Variants in TJP1 observed in about 807,000 individuals in gnomAD.
TJP1 encodes tight junction protein ZO-1.
A neutral mutation model predicts 194.2 loss-of-function variants in TJP1; 43 were observed. The observed-to-expected ratio is 0.22, with a 90% CI of 0.17 to 0.29. The LOEUF (loss-of-function observed/expected upper bound fraction) is 0.29, where lower values mean the gene tolerates loss of function less well. Among genes scored for constraint, TJP1 ranks in the 10% least tolerant of loss-of-function variants. The pLI is 1.00. For missense variants in TJP1, 1,971 were observed against 2,185.7 expected, an observed-to-expected ratio of 0.90 and a Z score of 1.96; for synonymous variants, 801 against 779.0, an observed-to-expected ratio of 1.03 and a Z score of -0.47.
At chr15:29,740,874 C>T (rs1183040218) in intron 10 of TJP1, 1 of 156,316 alleles carries the variant, frequency 6.4e-6, no homozygotes, top group Non-Finnish European at 1.4e-5. Flanking sequence ...CTAATTGTCA[C>T]AACTAGGGGA....
At position 29,901,743 on chromosome 15, in the gene TJP1, C is replaced by T. The variant is rs564416562; in HGVS notation, c.306+54489G>A. 2.0e-5 allele frequency among the ~76,000 whole-genome samples: 3 copies of T among 151,772 alleles called. No homozygotes were observed. In the East Asian group the frequency reaches 5.8e-4, roughly 29 times the overall value. On this transcript the variant is annotated intron_variant, in intron 2 of 28. Coordinates refer to the TJP1 transcript ENST00000356107. ...GGCTGAGGCAGGAGAATCGCTTGAACCTGGGAGGTGAAGGATGCAGTGAGC... is the reference window on the plus strand; with the variant it reads ...GGCTGAGGCAGGAGAATCGCTTGAATCTGGGAGGTGAAGGATGCAGTGAGC...
chr15:29,918,356 C>T (rs184559064), intron 2 of TJP1, among the ~76,000 whole-genome samples: 150 of 152,206 alleles, frequency 9.9e-4, no homozygotes, highest in African/African-American at 3.5e-3. Flanking sequence ...GAACAGATAA[C>T]TAAGGATCAG....
At position 29,741,448 on chromosome 15, in the gene TJP1, A is replaced by G; in HGVS notation, c.1151-12T>C. On this transcript the variant is annotated splice_polypyrimidine_tract_variant and intron_variant, in intron 9 of 27. Transcript: ENST00000614355. ...CACAGGCTTTGGTTCTAAGAAAAAA[A>G]AAATTGAGTAGGACTCACTTTAGAA... 6.3e-7 allele frequency: 1 copy of G among 1,583,622 alleles called. No homozygotes were observed. The highest frequency in any genetic ancestry group is 8.6e-7 in the Non-Finnish European group (1 of 1,156,450).
chr15:29,933,879 C>A (rs1201358649), intron 2 of TJP1, among the ~76,000 whole-genome samples: 10 of 152,178 alleles, frequency 6.6e-5, no homozygotes, highest in African/African-American at 2.4e-4. Context: ...ACCGGGGTCA[C>A]AACAGACATA....
intron 2 of TJP1, among the ~76,000 whole-genome samples, chr15:29,774,814 T>C (rs2046915550): frequency 6.6e-6 from 1 of 151,850 alleles, no homozygotes; most frequent in African/African-American, 2.4e-5. Flanking sequence ...ACAGGGAAAT[T>C]TCTGAGTAAC....
chr15:29,817,450 A>T (rs2050004311), intron 1 of TJP1, among the ~76,000 whole-genome samples: 1 of 152,190 alleles, frequency 6.6e-6, no homozygotes. Context: ...TAGAACCAGA[A>T]ATACCATTTG....
At chr15:29,956,235 G>A (rs1439756819) in exon 2 of TJP1, 1 of 1,286,100 alleles carries the variant, frequency 7.8e-7, no homozygotes, top group Non-Finnish European at 1.0e-6. Context: ...CACTTACAGT[G>A]AGCTCACAGA....
intron 2 of TJP1, among the ~76,000 whole-genome samples, chr15:29,866,250 C>T (rs988442936): frequency 6.6e-6 from 1 of 152,190 alleles, no homozygotes; most frequent in Non-Finnish European, 1.5e-5. Context: ...CATTCTTGTT[C>T]CTTCTGGCAA....
chr15:29,866,426 T>C (rs2052304400), intron 2 of TJP1, among the ~76,000 whole-genome samples: 2 of 152,250 alleles, frequency 1.3e-5, no homozygotes, highest in Non-Finnish European at 2.9e-5. Context: ...ATCAGTCTGC[T>C]TGAATACATC....
rs760473949 is a variant in TJP1 at position 29,719,854 on chromosome 15, T to C, written c.2926A>G (p.Thr976Ala). ...SYSPQADSLR[T>A]PSTEAAHIML... ...ATGTGAGCTGCCTCAGTACTTGGTG[T>C]TCTTAAAGAATCAGCTTGTGGTGAG... The change falls in exon 20 of 28, where the codon ACA becomes GCA. Residue 976 changes from threonine to alanine, a missense_variant. By Grantham distance (58) the Thr-to-Ala change is moderately conservative. Transcript: ENST00000614355. 1 of 1,614,148 alleles carries C rather than the reference T, an allele frequency of 6.2e-7. No homozygotes were observed. The highest frequency in any genetic ancestry group is 8.5e-7 in the Non-Finnish European group (1 of 1,180,020).
intron 2 of TJP1, among the ~76,000 whole-genome samples, chr15:29,837,522 C>G (rs2051074963): frequency 6.6e-6 from 1 of 152,110 alleles, no homozygotes; most frequent in Non-Finnish European, 1.5e-5. Context: ...GGCGCCCTTG[C>G]ACTCCAGCCT....
chr15:29,935,807 A>C (rs1351505754), intron 2 of TJP1, among the ~76,000 whole-genome samples: 1 of 151,354 alleles, frequency 6.6e-6, no homozygotes, highest in African/African-American at 2.4e-5. Context: ...AATCACAACT[A>C]TTTCCTTCCT....
At chr15:29,729,328 CTT>C (rs2043448331) in intron 15 of TJP1, 1 of 152,130 alleles carries the variant, frequency 6.6e-6, no homozygotes, top group Non-Finnish European at 1.5e-5. Flanking sequence ...CAAAACAAAA[CTT>C]CTTCTGAAAA....
chr15:29,875,397 A>G (rs1291146917), intron 2 of TJP1, among the ~76,000 whole-genome samples: 1 of 152,094 alleles, frequency 6.6e-6, no homozygotes, highest in African/African-American at 2.4e-5. Context: ...AGCCGGCCTT[A>G]TTGTCTTCAA....
chr15:29,946,211 G>A (rs540212480), intron 2 of TJP1, among the ~76,000 whole-genome samples: 1 of 151,652 alleles, frequency 6.6e-6, no homozygotes, highest in South Asian at 2.1e-4. Context: ...ATAGACAAGA[G>A]AAAGCTTTTT....
At chr15:29,941,158 G>A (rs947497571) in intron 2 of TJP1, among the ~76,000 whole-genome samples, 56 of 152,114 alleles carry the variant, frequency 3.7e-4, no homozygotes, top group African/African-American at 1.3e-3. Flanking sequence ...GACCTCCTAC[G>A]ACCGCAGGCA....
chr15:29,893,478 A>T, intron 2 of TJP1, among the ~76,000 whole-genome samples: 1 of 152,200 alleles, frequency 6.6e-6, no homozygotes, highest in East Asian at 1.9e-4. Context: ...AAAATCTTTC[A>T]TGAAAGAGAG....
intron 2 of TJP1, among the ~76,000 whole-genome samples, chr15:29,830,967 A>T (rs2050820797): frequency 6.6e-6 from 1 of 152,228 alleles, no homozygotes; most frequent in African/African-American, 2.4e-5. Context: ...AAAGAAACAA[A>T]CAAAGGAAGA....
At position 29,800,653 on chromosome 15, in the gene TJP1, AGC is replaced by A; in HGVS notation, c.75_76del (p.Leu26SerfsTer18). ...ACTGCAACACAAACTTACCCTGTGA[AGC>A]GTCACTGTATGTTGTTCCCATATAG... On this transcript the variant is annotated frameshift_variant, in exon 2 of 28. Coordinates refer to ENST00000614355, the MANE Select transcript of TJP1 (RefSeq NM_001330239.4). LOFTEE classifies it high-confidence loss of function. The A allele has an allele frequency of 6.2e-7, 1 of 1,613,964 alleles. No individual in the cohort carries two copies. Among genetic ancestry groups the A allele is most frequent in the Non-Finnish European group, 8.5e-7 (1 of 1,179,948 alleles).
Sources: gnomAD v4.1 joint callset for allele counts (sites outside exome capture counted in the v4.1 genomes callset) on GRCh38, gnomAD v4.1.1 for gene constraint, MANE v1.5 for transcripts, NCBI Gene and HGNC (gene_info 2026-07-23, HGNC 2026-07-21) for gene names.